Variants in DIP2B observed in about 807,000 individuals in gnomAD.
The protein encoded by DIP2B is DIP2 acetate--CoA ligase B (putative).
DIP2B carries 76 observed loss-of-function variants against 198.0 expected under a neutral mutation model. That is an observed-to-expected ratio of 0.38 (90% CI 0.32 to 0.46). The LOEUF is 0.46. Ranked by LOEUF, DIP2B falls within the 20% of genes least tolerant of loss-of-function variation. The pLI is 0.99. For missense variants in DIP2B, 1,559 were observed against 1,978.4 expected (o/e 0.79, Z 4.02); for synonymous variants, 701 against 739.1 (o/e 0.95, Z 0.84).
At chr12:50,517,887 T>C (rs1382675956) in intron 1 of DIP2B, among the ~76,000 whole-genome samples, 1 of 152,244 alleles carries the variant, frequency 6.6e-6, no homozygotes, top group Admixed American at 6.5e-5. Context: ...TTAACTTCTG[T>C]TTCGTTCCAG....
At chr12:50,534,475 T>A (rs1395832096) in intron 1 of DIP2B, among the ~76,000 whole-genome samples, 2 of 146,678 alleles carry the variant, frequency 1.4e-5, no homozygotes, top group East Asian at 4.0e-4. Flanking sequence ...CAGGTTCAAG[T>A]GATTCTTCTG....
At chr12:50,595,376 C>T (rs1042727095) in intron 1 of DIP2B, among the ~76,000 whole-genome samples, 9 of 152,126 alleles carry the variant, frequency 5.9e-5, no homozygotes, top group African/African-American at 1.9e-4. Context: ...CAATGGCTCC[C>T]GATCACAGCT....
chr12:50,587,687 G>A (rs1301447643), intron 1 of DIP2B, among the ~76,000 whole-genome samples: 1 of 152,084 alleles, frequency 6.6e-6, no homozygotes, highest in Non-Finnish European at 1.5e-5. Flanking sequence ...TTATATGGAA[G>A]CAACAACCCT....
At chr12:50,507,186 T>C (rs749985365) in intron 1 of DIP2B, among the ~76,000 whole-genome samples, 2 of 152,230 alleles carry the variant, frequency 1.3e-5, no homozygotes, top group Non-Finnish European at 2.9e-5. Context: ...CAATGAAGGA[T>C]TATTTTGGTT....
intron 1 of DIP2B, among the ~76,000 whole-genome samples, chr12:50,548,492 G>T (rs1408404747): frequency 6.6e-6 from 1 of 151,966 alleles, no homozygotes; most frequent in Non-Finnish European, 1.5e-5. Context: ...CATGGTATTG[G>T]CATACATTTT....
chr12:50,689,338 G>A (rs1433755538), intron 12 of DIP2B, among the ~76,000 whole-genome samples: 1 of 152,026 alleles, frequency 6.6e-6, no homozygotes, highest in Non-Finnish European at 1.5e-5. Context: ...CCATGATCGT[G>A]CCACTGCATT....
rs544814133 is a variant in DIP2B at position 50,669,466 on chromosome 12, A to G, written c.428-1720A>G. On this transcript the variant is annotated intron_variant, in intron 4 of 37. Coordinates refer to ENST00000301180, the MANE Select transcript of DIP2B (RefSeq NM_173602.3). ...GAAATGGAGTCTCACTCTGCCTCCC[A>G]GGCTGGAGGGCAGTGATGCTATCTC... Among the ~76,000 whole-genome samples the G allele has an allele frequency of 4.6e-5, 7 of 152,278 alleles. No homozygotes were observed. The East Asian group carries it at 1.4e-3, about 29-fold the overall frequency.
chr12:50,608,005 C>G (rs1958998797), intron 1 of DIP2B, among the ~76,000 whole-genome samples: 1 of 152,138 alleles, frequency 6.6e-6, no homozygotes, highest in Non-Finnish European at 1.5e-5. Context: ...GTTGGCCAGG[C>G]TGGTGTCAAA....
chr12:50,565,502 T>C (rs1958556225), intron 1 of DIP2B, among the ~76,000 whole-genome samples: 1 of 152,166 alleles, frequency 6.6e-6, no homozygotes, highest in Admixed American at 6.5e-5. Flanking sequence ...TTCACTGTGT[T>C]AGCTAGGATG....
intron 1 of DIP2B, among the ~76,000 whole-genome samples, chr12:50,594,107 A>T (rs934114041): frequency 2.0e-5 from 3 of 148,124 alleles, no homozygotes; most frequent in South Asian, 2.2e-4. Context: ...TGCTCTGCTA[A>T]TTTTTTTTGT....
intron 7 of DIP2B, among the ~76,000 whole-genome samples, chr12:50,676,630 T>C (rs1941530097): frequency 6.6e-6 from 1 of 152,248 alleles, no homozygotes; most frequent in Non-Finnish European, 1.5e-5. Context: ...CAACTTTCCA[T>C]TAATTACTAA....
chr12:50,736,087 C>T (rs1052413314), intron 34 of DIP2B, among the ~76,000 whole-genome samples: 2 of 152,172 alleles, frequency 1.3e-5, no homozygotes, highest in African/African-American at 4.8e-5. Flanking sequence ...TCTAGTAATT[C>T]TGAAGGGCAG....
rs114626968 is a variant in DIP2B, at chr12:50,613,027, G to A, written c.101-12949G>A. Among the ~76,000 whole-genome samples, 225 of 152,290 alleles carry A rather than the reference G, an allele frequency of 1.5e-3. 1 individual carries two copies. The highest frequency in any genetic ancestry group is 5.3e-3 in the African/African-American group (219 of 41,560). ...CTGCCTAGCACAGCATGTGCCTCCC[G>A]TTACTGTAGTGGCAACTCTGAATAT... is the stretch of plus-strand genomic sequence containing the variant. On this transcript the variant is annotated intron_variant, in intron 1 of 37. Transcript: ENST00000301180.
At position 50,695,916 on chromosome 12, in the gene DIP2B, G is replaced by T; in HGVS notation, c.1882G>T (p.Val628Leu). ...AMMAHRDQRD[V>L]SLSSLRMLIV... is the part of the protein sequence containing the mutation. ...GATGGCACATCGGGACCAAAGAGAC[G>T]TGAGCTTGAGTTCCCTCCGAATGTT... Residue 628 changes from valine (V) to leucine (L), a missense_variant, in exon 16 of 38, where the codon GTG (valine) becomes TTG (leucine). Transcript: ENST00000301180. 6.2e-7 allele frequency: 1 copy of T among 1,614,132 alleles called. No homozygotes were observed. The highest frequency in any genetic ancestry group is 8.5e-7 in the Non-Finnish European group (1 of 1,179,980).
intron 1 of DIP2B, among the ~76,000 whole-genome samples, chr12:50,576,590 T>G (rs1373054246): frequency 6.6e-6 from 1 of 151,828 alleles, no homozygotes; most frequent in African/African-American, 2.4e-5. Context: ...GCCATTCTCC[T>G]GCCTCAGCCT....
Position 50,671,396 on chromosome 12 carries a change from T to G in DIP2B, c.638T>G (p.Ile213Arg). Residue 213 changes from isoleucine (I) to arginine (R), a missense_variant and splice_region_variant, in exon 5 of 38, where the codon ATA (isoleucine) becomes AGA (arginine). Ile to Arg is a moderately conservative substitution (Grantham distance 97). Transcript: ENST00000301180. The part of the protein sequence containing the change: ...SLADVFANTR[I>R]ENFSAPPDVT... ...GCTGATGTATTTGCCAATACTCGAA[T>G]AGGTAGGAGCTGGATCTACCCAAGA... 1 of 1,614,130 alleles carries G rather than the reference T, an allele frequency of 6.2e-7. No homozygotes were observed. Among genetic ancestry groups the G allele is most frequent in the South Asian group, 1.1e-5 (1 of 91,074 alleles).
At chr12:50,649,781 A>G (rs1938420823) in intron 3 of DIP2B, among the ~76,000 whole-genome samples, 1 of 151,992 alleles carries the variant, frequency 6.6e-6, no homozygotes, top group South Asian at 2.1e-4. Context: ...ACTTGAACCT[A>G]GGAGGTGGAG....
At position 50,571,156 on chromosome 12, in the gene DIP2B, A is replaced by G. The variant is rs185129042; in HGVS notation, c.101-54820A>G. On this transcript the variant is annotated intron_variant, in intron 1 of 37. Transcript: ENST00000301180. Reference sequence around the variant, plus strand: ...GGGAAGGTCTCAAAGAGAATATGTTATTATTGGCAGCCTCTTTTTTTTTTT... The same window carrying G: ...GGGAAGGTCTCAAAGAGAATATGTTGTTATTGGCAGCCTCTTTTTTTTTTT... 1.6e-4 allele frequency among the ~76,000 whole-genome samples: 23 copies of G among 147,464 alleles called. No individual in the cohort carries two copies. The East Asian group carries it at 4.6e-3, about 30-fold the overall frequency.
intron 1 of DIP2B, among the ~76,000 whole-genome samples, chr12:50,623,408 C>A (rs1401704430): frequency 1.3e-5 from 1 of 78,350 alleles, no homozygotes; most frequent in Non-Finnish European, 2.5e-5. Context: ...CACACACACA[C>A]ACACACACAC....
Sources: allele counts gnomAD v4.1 joint callset (sites outside exome capture counted in the v4.1 genomes callset), GRCh38; gene constraint gnomAD v4.1.1; transcripts MANE v1.5; gene names NCBI Gene and HGNC (gene_info 2026-07-23, HGNC 2026-07-21).